SMPX: variants seen among roughly 807,000 people sequenced by gnomAD.
The protein encoded by SMPX is small muscle protein X-linked, also known as small muscular protein.
In SMPX, 2 loss-of-function variants were observed where a neutral mutation model predicts 6.3. The ratio of observed to expected loss-of-function variants is 0.32; its 90% CI spans 0.13 to 0.99. SMPX has a LOEUF of 0.99. Ranked by LOEUF, SMPX falls within the 50% of genes least tolerant of loss-of-function variation. SMPX has a pLI of 0.49. For synonymous variants in SMPX, 32 were observed against 24.7 expected (o/e 1.30, Z -0.88); for missense variants, 60 against 66.8 (o/e 0.90, Z 0.36).
chrX:21,713,567 A>ATG (rs2092781046), intron 4 of SMPX, among the ~76,000 whole-genome samples: 1 of 111,726 alleles, frequency 9.0e-6, no homozygotes, highest in African/African-American at 3.3e-5. Context: ...AAGAGAGAGC[A>ATG]TGTGCAGGGG....
intron 4 of SMPX, chrX:21,733,634 T>C (rs1433751382): frequency 9.6e-6 from 3 of 312,373 alleles, no homozygotes; most frequent in Non-Finnish European, 1.2e-5. Context: ...AGCATCATTG[T>C]AGAATTATTC....
chrX:21,739,687 G>GTGTA (rs2092814151), intron 3 of SMPX, among the ~76,000 whole-genome samples: 1 of 112,466 alleles, frequency 8.9e-6, no homozygotes, highest in Non-Finnish European at 1.9e-5. Context: ...CTGTGTGTGT[G>GTGTA]TGTATGTGTT....
At position 21,716,934 on chromosome X, in the gene SMPX, T is replaced by C. The variant is rs759271911; in HGVS notation, c.*15-10540A>G. ...AATGTAAATCTTTTTTTCTTTTTTA[T>C]TTTATTTGTATAAATTTAAGGAGTA... On this transcript the variant is annotated intron_variant, in intron 4 of 4. Transcript: ENST00000379494. Among the ~76,000 whole-genome samples the C allele has an allele frequency of 6.3e-4, 71 of 112,476 alleles. 1 individual carries two copies. The highest frequency in any genetic ancestry group is 1.8e-3 in the African/African-American group (55 of 30,981).
At position 21,758,084 on chromosome X, in the gene SMPX, A is replaced by C. The variant is rs2092834870; in HGVS notation, c.-155T>G. ...CCGATGCTTTTCATGTGGCTGAAAT[A>C]GCTCTGTGCCTCTCCCGGTATTGAG... On this transcript the variant is annotated 5_prime_UTR_variant, in exon 1 of 5. Coordinates refer to ENST00000379494, the MANE Select transcript of SMPX (RefSeq NM_014332.3). The C allele has an allele frequency of 3.1e-6, 1 of 327,748 alleles. No individual in the cohort carries two copies. Among genetic ancestry groups the C allele is most frequent in the Non-Finnish European group, 5.9e-6 (1 of 169,808 alleles). 27.0% of individuals were successfully genotyped at this position (327,748 alleles called of 1,213,427 possible).
intron 4 of SMPX, among the ~76,000 whole-genome samples, chrX:21,724,273 C>G (rs1374483676): frequency 8.9e-6 from 1 of 111,894 alleles, no homozygotes; most frequent in African/African-American, 3.3e-5. Context: ...ATTTGTTTGC[C>G]ACCTGATCTT....
intron 4 of SMPX, among the ~76,000 whole-genome samples, chrX:21,720,861 A>C (rs1017748041): frequency 8.9e-6 from 1 of 112,395 alleles, no homozygotes; most frequent in Non-Finnish European, 1.9e-5. Flanking sequence ...TCATACCACA[A>C]ACATAACCCA....
intron 4 of SMPX, among the ~76,000 whole-genome samples, chrX:21,711,472 G>A (rs1290001526): frequency 6.3e-5 from 7 of 111,824 alleles, no homozygotes; most frequent in Non-Finnish European, 9.4e-5. Flanking sequence ...GCTACCCCAC[G>A]TAACTTTTAT....
Position 21,737,746 on chromosome X carries a change from C to A in SMPX, c.133-49G>T, listed in dbSNP as rs376614738. 2.6e-6 allele frequency: 3 copies of A among 1,161,154 alleles called. No individual in the cohort carries two copies. In the African/African-American group the frequency reaches 5.3e-5, roughly 21 times the overall value. On this transcript the variant is annotated intron_variant, in intron 3 of 4. Coordinates refer to ENST00000379494, the MANE Select transcript of SMPX (RefSeq NM_014332.3). ...CAACTCACCAAAAATCACATTTGAT[C>A]TCTTTGGGCCATAAGCATGAACCAG...
Position 21,716,031 on chromosome X carries a change from G to A in SMPX, c.*15-9637C>T, listed in dbSNP as rs1015563624. Among the ~76,000 whole-genome samples, 15 of 112,050 alleles carry A rather than the reference G, an allele frequency of 1.3e-4. 1 individual carries two copies. Among genetic ancestry groups the A allele is most frequent in the Non-Finnish European group, 2.8e-4 (15 of 53,205 alleles). ...TGTGTTAAGTGGTCCCTTCTGGGAAGTATTGCTGATAAAACATATTAGTAA... is the reference window on the plus strand; with the variant it reads ...TGTGTTAAGTGGTCCCTTCTGGGAAATATTGCTGATAAAACATATTAGTAA... On this transcript the variant is annotated intron_variant, in intron 4 of 4. Transcript: ENST00000379494.
chrX:21,713,225 T>A (rs749471981), intron 4 of SMPX, among the ~76,000 whole-genome samples: 93 of 111,418 alleles, frequency 8.3e-4, no homozygotes, highest in Non-Finnish European at 1.5e-3. Context: ...GGAACTAGAG[T>A]TTTGGTATTG....
intron 4 of SMPX, among the ~76,000 whole-genome samples, chrX:21,728,218 C>CTCTG (rs2092799325): frequency 1.9e-4 from 3 of 15,958 alleles, no homozygotes; most frequent in Non-Finnish European, 3.0e-4. Context: ...CCTCCTTTCT[C>CTCTG]TCTCTCTCTC....
At chrX:21,721,883 T>G (rs1446220932) in intron 4 of SMPX, among the ~76,000 whole-genome samples, 5 of 112,369 alleles carry the variant, frequency 4.4e-5, no homozygotes, top group African/African-American at 1.6e-4. Flanking sequence ...CCTATCAGGC[T>G]GGGTGCAGTG....
intron 3 of SMPX, among the ~76,000 whole-genome samples, chrX:21,738,455 T>C (rs2092812869): frequency 9.1e-6 from 1 of 110,397 alleles, no homozygotes; most frequent in African/African-American, 3.3e-5. Context: ...CTCCGAGAAC[T>C]TCAGAAACTC....
At chrX:21,749,393 C>T (rs2092824992) in intron 2 of SMPX, among the ~76,000 whole-genome samples, 2 of 111,951 alleles carry the variant, frequency 1.8e-5, no homozygotes, top group Non-Finnish European at 3.8e-5. Flanking sequence ...AATGCTGACA[C>T]TGTTTCTAAA....
Position 21,706,260 on chromosome X carries a change from A to C in SMPX, c.*149T>G, listed in dbSNP as rs1347944844. On this transcript the variant is annotated 3_prime_UTR_variant, in exon 5 of 5. Coordinates refer to ENST00000379494, the MANE Select transcript of SMPX (RefSeq NM_014332.3). ...AGAAATACAGCCAACTAGAAGGAAG[A>C]GATATAAATGTACAAACAGGCCATT... is the stretch of plus-strand genomic sequence containing the variant. The C allele has an allele frequency of 1.4e-5, 7 of 502,120 alleles. No individual in the cohort carries two copies. Among genetic ancestry groups the C allele is most frequent in the Admixed American group, 8.0e-5 (3 of 37,386 alleles). 41.4% of individuals were successfully genotyped at this position (502,120 alleles called of 1,213,427 possible). A position where few individuals can be genotyped will look rare whatever the true frequency, so the allele number is the denominator to read the frequency against.
At chrX:21,727,878 G>A (rs745619074) in intron 4 of SMPX, among the ~76,000 whole-genome samples, 1 of 112,524 alleles carries the variant, frequency 8.9e-6, no homozygotes, top group African/African-American at 3.2e-5. Context: ...CATGTGCAGG[G>A]AGTTAAAATG....
chrX:21,743,374 G>A (rs992569500), intron 3 of SMPX, among the ~76,000 whole-genome samples: 1 of 110,729 alleles, frequency 9.0e-6, no homozygotes, highest in Non-Finnish European at 1.9e-5. Flanking sequence ...ACTGCTAGAC[G>A]AAAAACTTCT....
chrX:21,722,807 C>T (rs892823493), intron 4 of SMPX, among the ~76,000 whole-genome samples: 4 of 110,983 alleles, frequency 3.6e-5, no homozygotes, highest in African/African-American at 1.3e-4. Flanking sequence ...TGTGACCTTG[C>T]GGAAAGTCAT....
chrX:21,706,149 C>T lies in SMPX; in HGVS notation c.*260G>A. On this transcript the variant is annotated 3_prime_UTR_variant, in exon 5 of 5. Coordinates refer to ENST00000379494, the MANE Select transcript of SMPX (RefSeq NM_014332.3). Reference sequence around the variant, plus strand: ...ATTGCCATATCATTCTCCATAAAATCATATCCCTCCTCAAAACCACACCCT... The same window carrying T: ...ATTGCCATATCATTCTCCATAAAATTATATCCCTCCTCAAAACCACACCCT... 1 of 512,534 alleles carries T rather than the reference C, an allele frequency of 2.0e-6. No homozygotes were observed. Among genetic ancestry groups the T allele is most frequent in the Non-Finnish European group, 3.5e-6 (1 of 286,272 alleles). The allele number at this position is 512,534 out of a possible 1,213,427, so 42.2% of individuals were successfully genotyped here.
Sources: allele counts gnomAD v4.1 joint callset (sites outside exome capture counted in the v4.1 genomes callset), GRCh38; gene constraint gnomAD v4.1.1; transcripts MANE v1.5; gene names NCBI Gene and HGNC (gene_info 2026-07-23, HGNC 2026-07-21).